The following ESYT1 variants were observed in gnomAD, a reference collection of about 807,000 sequenced individuals.
The protein encoded by ESYT1 is extended synaptotagmin-1.
A neutral mutation model predicts 154.2 loss-of-function variants in ESYT1; 116 were observed. The observed-to-expected ratio is 0.75, with a 90% CI of 0.65 to 0.88. The LOEUF is 0.88. ESYT1 is among the 40% of genes least tolerant of loss of function. The probability of loss-of-function intolerance (pLI) is 0.00; values close to 1 mark genes in which losing one functional copy is unlikely to be tolerated. For synonymous variants in ESYT1, 500 were observed against 539.9 expected (o/e 0.93, Z 1.02); for missense variants, 1,264 against 1,379.3 (o/e 0.92, Z 1.32).
intron 15 of ESYT1, among the ~76,000 whole-genome samples, chr12:56,134,675 C>T (rs535965757): frequency 6.6e-6 from 1 of 151,890 alleles, no homozygotes; most frequent in East Asian, 1.9e-4. Flanking sequence ...CTCGGCTTAC[C>T]GAAACCTCCA....
chr12:56,137,148 C>A, intron 16 of ESYT1, 70 bp from the exon 17 acceptor site: 2 of 1,581,172 alleles, frequency 1.3e-6, no homozygotes, highest in Non-Finnish European at 1.7e-6. Flanking sequence ...TCCTCTACCC[C>A]ACCCCACATG....
chr12:56,141,554 C>T (rs992156593), intron 24 of ESYT1, among the ~76,000 whole-genome samples: 9 of 152,122 alleles, frequency 5.9e-5, no homozygotes, highest in African/African-American at 1.9e-4. Context: ...TCCTGGCTAA[C>T]ACGGTGAAAC....
chr12:56,132,878 T>C, intron 10 of ESYT1, 77 bp downstream of exon 10: 1 of 1,322,462 alleles, frequency 7.6e-7, no homozygotes, highest in Non-Finnish European at 1.1e-6. Context: ...CCCAGCACTT[T>C]GGGAGGCTGA....
At chr12:56,130,723 G>A in intron 2 of ESYT1, 68 bp from the exon 3 acceptor site, 1 of 1,613,020 alleles carries the variant, frequency 6.2e-7, no homozygotes, top group Non-Finnish European at 8.5e-7. Context: ...CCGTGGGGAG[G>A]ATTCTGAAGG....
chr12:56,132,565 G>C lies in ESYT1; in HGVS notation c.1129G>C (p.Glu377Gln), dbSNP rs1316847486. The change falls in exon 9 of 31, where the codon GAA (glutamate) becomes CAA (glutamine). Residue 377 changes from glutamate (E) to glutamine (Q), a missense_variant. Physicochemically the swap from Glu to Gln is conservative, Grantham distance 29. Coordinates refer to ENST00000394048, the MANE Select transcript of ESYT1 (RefSeq NM_015292.3). ...ATTCTGCAGTCGTGTCATTGATGAA[G>C]AACTCAACCCACAGTGGGGAGAGAC... Reference protein sequence around the residue: ...QTFCSRVIDEELNPQWGETYE... With the variant: ...QTFCSRVIDEQLNPQWGETYE... The C allele has an allele frequency of 1.2e-6, 2 of 1,614,202 alleles. No homozygotes were observed. Among genetic ancestry groups the C allele is most frequent in the Admixed American group, 3.3e-5 (2 of 60,020 alleles).
chr12:56,130,528 A>C, intron 1 of ESYT1, 54 bp from the exon 2 acceptor site: 1 of 1,608,402 alleles, frequency 6.2e-7, no homozygotes, highest in East Asian at 2.2e-5. Flanking sequence ...CTTAGTAGGA[A>C]ACCAGAGGCG....
chr12:56,133,735 G>C (rs1870335499), intron 12 of ESYT1, 46 bp from the exon 13 acceptor site: 1 of 1,612,776 alleles, frequency 6.2e-7, no homozygotes, highest in Non-Finnish European at 8.5e-7. Context: ...AAGTGTAGGG[G>C]ACTTGGAACG....
At position 56,144,445 on chromosome 12, in the gene ESYT1, C is replaced by CT. The variant is rs1240699580; in HGVS notation, c.*584dup. Reference sequence around the variant, plus strand: ...GGCCAGTCTCTTGTCACTTTGGAAACTGAGGACGCGTGGATTCTACTCAAG... The same window carrying CT: ...GGCCAGTCTCTTGTCACTTTGGAAACTTGAGGACGCGTGGATTCTACTCAAG... On this transcript the variant is annotated 3_prime_UTR_variant, in exon 31 of 31. Transcript: ENST00000394048. 9 of 987,190 alleles carry CT rather than the reference C, an allele frequency of 9.1e-6. No individual in the cohort carries two copies. Among genetic ancestry groups the CT allele is most frequent in the Non-Finnish European group, 9.6e-6 (8 of 831,216 alleles). 61.2% of individuals were successfully genotyped at this position (987,190 alleles called of 1,614,324 possible).
At chr12:56,139,698 C>T (rs1406350255) in intron 24 of ESYT1, among the ~76,000 whole-genome samples, 1 of 150,946 alleles carries the variant, frequency 6.6e-6, no homozygotes, top group African/African-American at 2.4e-5. Flanking sequence ...CAGGTTCAAG[C>T]GATTCTCCTG....
chr12:56,138,598 CCT>C lies in ESYT1; in HGVS notation c.2433+104_2433+105del, dbSNP rs1870561733. 18 of 1,348,448 alleles carry C rather than the reference CCT, an allele frequency of 1.3e-5. No homozygotes were observed. The South Asian group carries it at 2.0e-4, about 15-fold the overall frequency. The allele number at this position is 1,348,448 out of a possible 1,614,324, so 83.5% of individuals were successfully genotyped here. ...AGTATTTAGAATAAGAAAAATGGCC[CCT>C]CTCTTTCTGAGGGTAGTGCAGGGGT... is the stretch of plus-strand genomic sequence containing the variant. On this transcript the variant is annotated intron_variant, in intron 22 of 30. Coordinates refer to ENST00000394048, the MANE Select transcript of ESYT1 (RefSeq NM_015292.3).
In ESYT1 at chr12:56,133,847, T is replaced by C. The variant is rs1177062772; in HGVS notation, c.1447T>C (p.Tyr483His). 4 of 1,614,060 alleles carry C rather than the reference T, an allele frequency of 2.5e-6. No individual in the cohort carries two copies. Among genetic ancestry groups the C allele is most frequent in the Non-Finnish European group, 3.4e-6 (4 of 1,180,042 alleles). Reference sequence around the variant, plus strand: ...CCCGTCAGCTGCCATCTTAGTTGTCTACCTGGATCGGGCCCAGGATCTTCC... The same window carrying C: ...CCCGTCAGCTGCCATCTTAGTTGTCCACCTGGATCGGGCCCAGGATCTTCC... ...DPPSAAILVVYLDRAQDLPLK... is the reference protein window; with the variant it reads ...DPPSAAILVVHLDRAQDLPLK... Residue 483 changes from tyrosine (Y) to histidine (H), a missense_variant, in exon 13 of 31, where the codon TAC becomes CAC. Transcript: ENST00000394048.
chr12:56,142,541 G>A lies in ESYT1; in HGVS notation c.2734-37G>A, dbSNP rs1870743719. ...CGTGTCCTTAGAGTGAGGGAACTGA[G>A]AGAACTCTGCCCAGCTCACAGCTTT... On this transcript the variant is annotated intron_variant, in intron 25 of 30. Coordinates refer to ENST00000394048, the MANE Select transcript of ESYT1 (RefSeq NM_015292.3). This position sits in a 1 kb window ranked among gnomAD's most constrained non-coding sequence, Gnocchi z 4.1. The A allele has an allele frequency of 1.9e-6, 3 of 1,613,846 alleles. No individual in the cohort carries two copies. The highest frequency in any genetic ancestry group is 2.2e-5 in the East Asian group (1 of 44,874).
rs202161804 is a variant in ESYT1, at chr12:56,138,854, T to C, written c.2505+15T>C. The C allele has an allele frequency of 1.9e-6, 3 of 1,613,818 alleles. No individual in the cohort carries two copies. The East Asian group carries it at 6.7e-5, about 36-fold the overall frequency. ...ATAAAACCAAGGTATGAAGAAATGC[T>C]GCAGGGTAAAAATGGGAGGGATAAG... On this transcript the variant is annotated intron_variant, in intron 23 of 30. Transcript: ENST00000394048.
rs1870765019 is a variant in ESYT1 at position 56,142,878 on chromosome 12, ACT to A, written c.2935_2936del (p.Leu979ValfsTer5). ...PAGPLGQVKL[T>X]LWYYSEERKL... The stretch of plus-strand genomic sequence containing the variant: ...CGGGCCTCTGGGCCAGGTGAAACTG[ACT>A]CTGTGGTACTACAGTGAAGAACGAA... On this transcript the variant is annotated frameshift_variant, in exon 27 of 31. Coordinates refer to ENST00000394048, the MANE Select transcript of ESYT1 (RefSeq NM_015292.3). LOFTEE classifies it high-confidence loss of function. This position sits in a 1 kb window ranked among gnomAD's most constrained non-coding sequence, Gnocchi z 4.1. The A allele has an allele frequency of 1.2e-6, 2 of 1,614,048 alleles. No individual in the cohort carries two copies. Among genetic ancestry groups the A allele is most frequent in the Non-Finnish European group, 1.7e-6 (2 of 1,180,012 alleles).
chr12:56,136,481 T>G (rs1376168105), intron 15 of ESYT1, among the ~76,000 whole-genome samples: 1 of 151,148 alleles, frequency 6.6e-6, no homozygotes, highest in African/African-American at 2.4e-5. Context: ...GTCCCAGCTA[T>G]TTGGGAGGCT....
Position 56,143,519 on chromosome 12 carries a change from T to A in ESYT1, c.3226-61T>A, listed in dbSNP as rs1352764068. ...AGATTTCAAAACAGCATCATCAGAA[T>A]GAGATCCTGTCTCAAAAAATAAAAG... On this transcript the variant is annotated intron_variant, in intron 29 of 30. Transcript: ENST00000394048. The A allele has an allele frequency of 4.4e-6, 7 of 1,597,340 alleles. No individual in the cohort carries two copies. In the South Asian group the frequency reaches 7.7e-5, roughly 18 times the overall value.
At chr12:56,139,445 ACT>A (rs1262912618) in intron 24 of ESYT1, among the ~76,000 whole-genome samples, 1 of 151,494 alleles carries the variant, frequency 6.6e-6, no homozygotes, top group Non-Finnish European at 1.5e-5. Flanking sequence ...TGGAGCTCAC[ACT>A]CTGTTTTGGG....
At chr12:56,128,930 T>G in intron 1 of ESYT1, 23 of 562,054 alleles carry the variant, frequency 4.1e-5, no homozygotes, top group East Asian at 1.3e-4. Flanking sequence ...GACTGGATCC[T>G]TCCACAGAAT....
intron 24 of ESYT1, among the ~76,000 whole-genome samples, chr12:56,141,427 G>A (rs1870678313): frequency 6.6e-6 from 1 of 152,242 alleles, no homozygotes; most frequent in Non-Finnish European, 1.5e-5. Flanking sequence ...TCTGTATGCT[G>A]TAGGTATTAC....
Sources: gnomAD v4.1 joint callset for allele counts (sites outside exome capture counted in the v4.1 genomes callset) on GRCh38, gnomAD v4.1.1 for gene constraint, Gnocchi (gnomAD v3.1) non-coding constraint, MANE v1.5 for transcripts, NCBI Gene and HGNC (gene_info 2026-07-23, HGNC 2026-07-21) for gene names.